Variants in CAMKMT observed in about 807,000 individuals in gnomAD.
The protein encoded by CAMKMT is calmodulin-lysine N-methyltransferase.
Under a neutral mutation model 48.0 loss-of-function variants are expected in CAMKMT, and 53 were observed. That is an observed-to-expected ratio of 1.10 (90% CI 0.89 to 1.39). The LOEUF is 1.39. Among genes scored for constraint, CAMKMT ranks in the 40% most tolerant of loss-of-function variants. The probability of loss-of-function intolerance (pLI) is 0.00; values close to 1 mark genes in which losing one functional copy is unlikely to be tolerated. For missense variants in CAMKMT, 428 were observed against 402.7 expected, an observed-to-expected ratio of 1.06 and a Z score of -0.54; for synonymous variants, 165 against 152.3, an observed-to-expected ratio of 1.08 and a Z score of -0.61.
chr2:44,404,080 C>G (rs1682614515), intron 3 of CAMKMT, among the ~76,000 whole-genome samples: 1 of 152,094 alleles, frequency 6.6e-6, no homozygotes, highest in South Asian at 2.1e-4. Flanking sequence ...AAATCACTTA[C>G]TAGACTGTAA....
chr2:44,469,804 C>A (rs1202248794), intron 3 of CAMKMT, among the ~76,000 whole-genome samples: 3 of 151,772 alleles, frequency 2.0e-5, no homozygotes, highest in African/African-American at 7.3e-5. Flanking sequence ...TCTTCTATTA[C>A]TTTTAAGGTA....
Position 44,733,990 on chromosome 2 carries a change from A to G in CAMKMT, c.624-9632A>G, listed in dbSNP as rs1264036607. Among the ~76,000 whole-genome samples the G allele has an allele frequency of 2.6e-5, 4 of 151,878 alleles. No individual in the cohort carries two copies. The East Asian group carries it at 5.8e-4, about 22-fold the overall frequency. ...GATAAGTCAGGCTAGAGGTTTATCA[A>G]TTTTATTGATCTCAAAGAATCAGTG... is the stretch of plus-strand genomic sequence containing the variant. On this transcript the variant is annotated intron_variant, in intron 7 of 10. Transcript: ENST00000378494.
At chr2:44,439,744 A>G (rs554454543) in intron 3 of CAMKMT, among the ~76,000 whole-genome samples, 3 of 152,046 alleles carry the variant, frequency 2.0e-5, no homozygotes, top group Admixed American at 6.5e-5. Context: ...AGGCTGAGGT[A>G]GGAGAATGGC....
chr2:44,411,502 C>G (rs1683200928), intron 3 of CAMKMT, among the ~76,000 whole-genome samples: 1 of 152,154 alleles, frequency 6.6e-6, no homozygotes, highest in Non-Finnish European at 1.5e-5. Context: ...GTGAATGCAT[C>G]TGGATTAGGT....
intron 3 of CAMKMT, among the ~76,000 whole-genome samples, chr2:44,534,189 A>G (rs1316643995): frequency 6.6e-6 from 1 of 152,148 alleles, no homozygotes; most frequent in African/African-American, 2.4e-5. Context: ...CTTAATATAT[A>G]TGCACCCAAC....
chr2:44,644,676 A>G (rs1673636175), intron 3 of CAMKMT, among the ~76,000 whole-genome samples: 1 of 152,126 alleles, frequency 6.6e-6, no homozygotes, highest in Admixed American at 6.5e-5. Flanking sequence ...TGTTAATATT[A>G]TTCTGTTTTT....
At chr2:44,524,188 A>T (rs1671281054) in intron 3 of CAMKMT, among the ~76,000 whole-genome samples, 1 of 152,186 alleles carries the variant, frequency 6.6e-6, no homozygotes, top group Non-Finnish European at 1.5e-5. Context: ...CAAAGCAGTC[A>T]CAAGTCTGCC....
At position 44,658,761 on chromosome 2, in the gene CAMKMT, T is replaced by C. The variant is rs376130211; in HGVS notation, c.377-45522T>C. On this transcript the variant is annotated intron_variant, in intron 3 of 10. Coordinates refer to ENST00000378494, the MANE Select transcript of CAMKMT (RefSeq NM_024766.5). ...AGAGTCTTGTAACAGATAACTCTAATTGTCTTCAGAGTTCAGGTCCCCAAG... is the reference window on the plus strand; with the variant it reads ...AGAGTCTTGTAACAGATAACTCTAACTGTCTTCAGAGTTCAGGTCCCCAAG... 9.5e-4 allele frequency among the ~76,000 whole-genome samples: 144 copies of C among 152,282 alleles called. 3 individuals are homozygous for C. The South Asian group carries it at 0.021, about 22-fold the overall frequency.
At chr2:44,487,400 A>G (rs1265942134) in intron 3 of CAMKMT, among the ~76,000 whole-genome samples, 1 of 152,182 alleles carries the variant, frequency 6.6e-6, no homozygotes, top group African/African-American at 2.4e-5. Context: ...TTTATTATAT[A>G]AAGTTGAAAT....
intron 3 of CAMKMT, among the ~76,000 whole-genome samples, chr2:44,684,490 C>CAAA (rs1278577015): frequency 9.3e-5 from 13 of 139,114 alleles, no homozygotes; most frequent in African/African-American, 3.4e-4. Context: ...GAGAAGGGGA[C>CAAA]AAAAAAAAAA....
At chr2:44,363,566 G>A (rs1678230155) in intron 1 of CAMKMT, among the ~76,000 whole-genome samples, 1 of 150,512 alleles carries the variant, frequency 6.6e-6, no homozygotes, top group South Asian at 2.1e-4. Context: ...TTTAAGTAGA[G>A]ACGGGGTTTC....
At chr2:44,639,107 T>C (rs1286642354) in intron 3 of CAMKMT, among the ~76,000 whole-genome samples, 1 of 152,192 alleles carries the variant, frequency 6.6e-6, no homozygotes, top group Non-Finnish European at 1.5e-5. Context: ...AGTTCTTTAG[T>C]ATTTAAGAAC....
intron 3 of CAMKMT, among the ~76,000 whole-genome samples, chr2:44,626,058 C>G (rs866906481): frequency 1.8e-4 from 27 of 152,180 alleles, no homozygotes; most frequent in Admixed American, 2.6e-4. Flanking sequence ...AAGAAGAAGG[C>G]TGTTGTGATT....
chr2:44,746,162 T>C (rs1679908701), intron 8 of CAMKMT, among the ~76,000 whole-genome samples: 1 of 152,226 alleles, frequency 6.6e-6, no homozygotes, highest in South Asian at 2.1e-4. Flanking sequence ...CACAGGAATA[T>C]GAAGCAAGAG....
chr2:44,468,733 A>G (rs1668259410), intron 3 of CAMKMT, among the ~76,000 whole-genome samples: 1 of 152,160 alleles, frequency 6.6e-6, no homozygotes, highest in African/African-American at 2.4e-5. Context: ...AGCCTGAGCA[A>G]CAAAGCAAGA....
intron 3 of CAMKMT, among the ~76,000 whole-genome samples, chr2:44,525,487 C>T (rs111558474): frequency 0.021 from 3,164 of 152,262 alleles, 90 homozygotes; most frequent in African/African-American, 0.066. Flanking sequence ...ATCTCCTGAC[C>T]TCGTGATCCA....
chr2:44,586,194 C>A (rs1301602927), intron 3 of CAMKMT, among the ~76,000 whole-genome samples: 1 of 152,036 alleles, frequency 6.6e-6, no homozygotes, highest in Non-Finnish European at 1.5e-5. Context: ...TTTAAGGGTT[C>A]CAAAATCTGA....
At chr2:44,407,660 G>A (rs1324067256) in intron 3 of CAMKMT, among the ~76,000 whole-genome samples, 2 of 152,138 alleles carry the variant, frequency 1.3e-5, no homozygotes, top group Middle Eastern at 3.2e-3. Flanking sequence ...TGTTAATTAG[G>A]TAATATTTAA....
At chr2:44,738,605 A>T (rs542913281) in intron 7 of CAMKMT, among the ~76,000 whole-genome samples, 1 of 152,324 alleles carries the variant, frequency 6.6e-6, no homozygotes, top group Non-Finnish European at 1.5e-5. Context: ...GGTGCTAGGG[A>T]CTATTCTAGA....
Sources: allele counts gnomAD v4.1 joint callset (sites outside exome capture counted in the v4.1 genomes callset), GRCh38; gene constraint gnomAD v4.1.1; transcripts MANE v1.5; gene names NCBI Gene and HGNC (gene_info 2026-07-23, HGNC 2026-07-21).